JMJD1C: variants seen among roughly 807,000 people sequenced by gnomAD.
JMJD1C encodes the protein jumonji domain containing 1C, also known as jumonji domain-containing protein 1C.
Under a neutral mutation model 245.3 loss-of-function variants are expected in JMJD1C, and 31 were observed. The observed-to-expected ratio is 0.13, with a 90% CI of 0.09 to 0.17. JMJD1C has a LOEUF of 0.17. Among genes scored for constraint, JMJD1C ranks in the 10% least tolerant of loss-of-function variants. The pLI is 1.00. For synonymous variants in JMJD1C, 1,057 were observed against 1,017.4 expected (o/e 1.04, Z -0.74); for missense variants, 2,691 against 3,000.2 (o/e 0.90, Z 2.41).
intron 2 of JMJD1C, among the ~76,000 whole-genome samples, chr10:63,372,664 T>C (rs1946404244): frequency 6.6e-6 from 1 of 152,152 alleles, no homozygotes; most frequent in Non-Finnish European, 1.5e-5. Context: ...AAAATAAGAA[T>C]TTACTTTCTG....
At chr10:63,203,948 T>G (rs1413355764) in intron 10 of JMJD1C, 1 of 981,318 alleles carries the variant, frequency 1.0e-6, no homozygotes, top group Non-Finnish European at 1.2e-6. Flanking sequence ...GATAATCCAT[T>G]AATATTTAGA....
At chr10:63,441,747 C>T (rs1460297330) in intron 1 of JMJD1C, among the ~76,000 whole-genome samples, 1 of 152,148 alleles carries the variant, frequency 6.6e-6, no homozygotes, top group East Asian at 1.9e-4. Flanking sequence ...GACTTTGATC[C>T]CTTTGTACTG....
At chr10:63,180,030 C>CGAAACACAGTTTCGAG (rs1843288464) in intron 22 of JMJD1C, among the ~76,000 whole-genome samples, 1 of 152,176 alleles carries the variant, frequency 6.6e-6, no homozygotes, top group Non-Finnish European at 1.5e-5. Context: ...GACACAGTCT[C>CGAAACACAGTTTCGAG]ACTCTGTCGC....
intron 2 of JMJD1C, among the ~76,000 whole-genome samples, chr10:63,276,140 G>GA (rs983957859): frequency 3.3e-5 from 5 of 152,012 alleles, no homozygotes; most frequent in African/African-American, 1.2e-4. Context: ...GGTAGTCTTT[G>GA]AAAAAAATCA....
chr10:63,170,436 T>C (rs918170061), intron 24 of JMJD1C, among the ~76,000 whole-genome samples: 2 of 152,220 alleles, frequency 1.3e-5, no homozygotes, highest in African/African-American at 2.4e-5. Flanking sequence ...CATCCATTTG[T>C]TTAGTGACTT....
intron 1 of JMJD1C, among the ~76,000 whole-genome samples, chr10:63,382,339 C>T (rs555833905): frequency 6.6e-6 from 1 of 152,200 alleles, no homozygotes; most frequent in Admixed American, 6.5e-5. Flanking sequence ...AACAATTGAG[C>T]TTGACTTTAT....
intron 2 of JMJD1C, among the ~76,000 whole-genome samples, chr10:63,323,375 C>G (rs553668102): frequency 1.3e-5 from 2 of 152,122 alleles, no homozygotes; most frequent in Non-Finnish European, 2.9e-5. Context: ...AATACAAAAA[C>G]TAGGCTTGGT....
Position 63,202,722 on chromosome 10 carries a change from C to T in JMJD1C, c.5075-2045G>A, listed in dbSNP as rs1260195396. ...CCCGGTTATGGTATAAACCCATTTCCAGAAGACTTATGTAAAATGTTTATT... is the reference window on the plus strand; with the variant it reads ...CCCGGTTATGGTATAAACCCATTTCTAGAAGACTTATGTAAAATGTTTATT... On this transcript the variant is annotated intron_variant, in intron 10 of 25. Transcript: ENST00000399262. The T allele has an allele frequency of 4.1e-6, 4 of 985,356 alleles. No individual in the cohort carries two copies. The Admixed American group carries it at 2.5e-4, about 60-fold the overall frequency. 61.0% of individuals were successfully genotyped at this position (985,356 alleles called of 1,614,324 possible).
At chr10:63,509,365 T>A (rs968236004) in intron 1 of JMJD1C, among the ~76,000 whole-genome samples, 1 of 152,248 alleles carries the variant, frequency 6.6e-6, no homozygotes, top group Non-Finnish European at 1.5e-5. Context: ...TTGTAAGAGA[T>A]GTTAGTATGT....
chr10:63,319,236 G>A (rs1431937348), intron 2 of JMJD1C, among the ~76,000 whole-genome samples: 3 of 131,724 alleles, frequency 2.3e-5, no homozygotes, highest in Admixed American at 9.5e-5. Context: ...CAGCCTGGGC[G>A]ACAGAGCGAG....
intron 3 of JMJD1C, among the ~76,000 whole-genome samples, chr10:63,253,722 C>T (rs189490638): frequency 9.9e-5 from 15 of 152,150 alleles, no homozygotes; most frequent in East Asian, 3.9e-4. Context: ...CTGCACCAGG[C>T]GCGGTGGTAT....
At chr10:63,423,960 G>C (rs1456816947) in intron 1 of JMJD1C, among the ~76,000 whole-genome samples, 2 of 152,156 alleles carry the variant, frequency 1.3e-5, no homozygotes, top group Non-Finnish European at 2.9e-5. Context: ...TTCTATTCAA[G>C]CCCTTTTCCC....
intron 1 of JMJD1C, among the ~76,000 whole-genome samples, chr10:63,440,230 G>A (rs1445095274): frequency 6.6e-6 from 1 of 151,978 alleles, no homozygotes; most frequent in African/African-American, 2.4e-5. Flanking sequence ...AGCTACTCAG[G>A]AGGCTGAGGC....
intron 2 of JMJD1C, among the ~76,000 whole-genome samples, chr10:63,301,398 G>C (rs1417195289): frequency 6.6e-6 from 1 of 152,132 alleles, no homozygotes; most frequent in East Asian, 1.9e-4. Context: ...TTTACTCTAG[G>C]AAGTACACCT....
chr10:63,184,815 T>C, intron 20 of JMJD1C, 77 bp from the exon 21 acceptor site: 1 of 1,408,494 alleles, frequency 7.1e-7, no homozygotes, highest in Non-Finnish European at 9.6e-7. Flanking sequence ...AATTTTCAAG[T>C]TGTTCAAAAC....
At chr10:63,368,749 T>C (rs1946061142) in intron 2 of JMJD1C, among the ~76,000 whole-genome samples, 1 of 152,110 alleles carries the variant, frequency 6.6e-6, no homozygotes, top group Non-Finnish European at 1.5e-5. Context: ...TGTAGTCTCA[T>C]GATCTCAGCT....
Position 63,464,212 on chromosome 10 carries a change from C to A in JMJD1C, c.168+1283G>T, listed in dbSNP as rs1187544206. ...AACCAGCCAAAACCTTCAAAACTAC[C>A]TCTATTTTCTGTTAGAAATACCTAT... On this transcript the variant is annotated intron_variant, in intron 1 of 25. Transcript: ENST00000399262. Among the ~76,000 whole-genome samples the A allele has an allele frequency of 2.0e-5, 3 of 151,232 alleles. No individual in the cohort carries two copies. In the Admixed American group the frequency reaches 2.0e-4, roughly 10 times the overall value.
intron 24 of JMJD1C, among the ~76,000 whole-genome samples, chr10:63,173,175 A>T (rs1263581664): frequency 6.6e-6 from 1 of 152,162 alleles, no homozygotes; most frequent in Non-Finnish European, 1.5e-5. Context: ...AAAAACATTA[A>T]AAAGTAGTAT....
chr10:63,402,334 TTAAAA>T (rs1180554225), intron 1 of JMJD1C, among the ~76,000 whole-genome samples: 3 of 152,190 alleles, frequency 2.0e-5, no homozygotes, highest in South Asian at 2.1e-4. Flanking sequence ...TAACATTTCG[TTAAAA>T]TAAACTTTCC....
Sources: allele counts gnomAD v4.1 joint callset (sites outside exome capture counted in the v4.1 genomes callset), GRCh38; gene constraint gnomAD v4.1.1; transcripts MANE v1.5; gene names NCBI Gene and HGNC (gene_info 2026-07-23, HGNC 2026-07-21).